The following EIF2B3 variants were observed in gnomAD, a reference collection of about 807,000 sequenced individuals.
EIF2B3 encodes eukaryotic translation initiation factor 2B subunit gamma.
Under a neutral mutation model 54.1 loss-of-function variants are expected in EIF2B3, and 20 were observed. The ratio of observed to expected loss-of-function variants is 0.37; its 90% CI spans 0.26 to 0.54. The LOEUF is 0.54. Among genes scored for constraint, EIF2B3 ranks in the 20% least tolerant of loss-of-function variants. The pLI is 0.86. For missense variants in EIF2B3, 448 were observed against 547.8 expected, an observed-to-expected ratio of 0.82 and a Z score of 1.82; for synonymous variants, 153 against 188.1, an observed-to-expected ratio of 0.81 and a Z score of 1.52.
intron 5 of EIF2B3, among the ~76,000 whole-genome samples, chr1:44,897,984 C>A (rs1392459960): frequency 1.3e-5 from 2 of 152,038 alleles, no homozygotes; most frequent in East Asian, 3.9e-4. Context: ...GATCCACCCA[C>A]CTCAGCCTCC....
chr1:44,924,662 A>G (rs1368527489), intron 5 of EIF2B3, among the ~76,000 whole-genome samples: 2 of 152,240 alleles, frequency 1.3e-5, no homozygotes, highest in Non-Finnish European at 2.9e-5. Context: ...CTGGAATTAC[A>G]GGCGTGAGCC....
intron 5 of EIF2B3, among the ~76,000 whole-genome samples, chr1:44,923,411 T>C (rs997658294): frequency 3.9e-5 from 6 of 152,256 alleles, no homozygotes; most frequent in African/African-American, 1.4e-4. Context: ...TCATTGTTTA[T>C]AGTTGCCAGT....
At chr1:44,885,121 C>T (rs1655534025) in intron 6 of EIF2B3, among the ~76,000 whole-genome samples, 1 of 152,228 alleles carries the variant, frequency 6.6e-6, no homozygotes, top group Non-Finnish European at 1.5e-5. Flanking sequence ...GTCAACCTTA[C>T]TTTCTCCTTT....
chr1:44,971,166 G>A (rs1471106361), intron 3 of EIF2B3, among the ~76,000 whole-genome samples: 5 of 151,996 alleles, frequency 3.3e-5, no homozygotes, highest in Admixed American at 6.6e-5. Flanking sequence ...GGCGGATCCC[G>A]AAGTAGGAGA....
intron 10 of EIF2B3, among the ~76,000 whole-genome samples, chr1:44,873,888 G>A (rs1655040199): frequency 6.6e-6 from 1 of 151,750 alleles, no homozygotes; most frequent in Non-Finnish European, 1.5e-5. Context: ...GACCTCAGGT[G>A]ATGCACCTGC....
At chr1:44,922,922 T>C (rs552226794) in intron 5 of EIF2B3, among the ~76,000 whole-genome samples, 43 of 141,376 alleles carry the variant, frequency 3.0e-4, no homozygotes, top group Admixed American at 1.2e-3. Flanking sequence ...CTCGGCTCGC[T>C]GTAACCTCTG....
At chr1:44,960,362 G>A (rs762767444) in intron 3 of EIF2B3, among the ~76,000 whole-genome samples, 5 of 151,970 alleles carry the variant, frequency 3.3e-5, no homozygotes, top group South Asian at 2.1e-4. Flanking sequence ...ATACTGGGCC[G>A]GGCGTGGTGG....
intron 8 of EIF2B3, among the ~76,000 whole-genome samples, chr1:44,879,284 A>C (rs1413150008): frequency 6.6e-6 from 1 of 152,074 alleles, no homozygotes; most frequent in African/African-American, 2.4e-5. Context: ...TTTGTTCCCC[A>C]TATCTCACAA....
chr1:44,865,895 TATTTA>T (rs1654764624), intron 10 of EIF2B3, among the ~76,000 whole-genome samples: 1 of 152,120 alleles, frequency 6.6e-6, no homozygotes, highest in South Asian at 2.1e-4. Context: ...TTAAAATTTT[TATTTA>T]TTTATTTTTT....
Position 44,881,531 on chromosome 1 carries a change from GGCTGGGCTAA to G in EIF2B3, c.784+71_784+80del. The G allele has an allele frequency of 6.3e-7, 1 of 1,575,192 alleles. No homozygotes were observed. Among genetic ancestry groups the G allele is most frequent in the Non-Finnish European group, 8.7e-7 (1 of 1,150,652 alleles). ...CTGCTGCCTTGAGTCAGGCATCTTG[GGCTGGGCTAA>G]GCTGCCCAACCACTCTTTCCAAAGG... On this transcript the variant is annotated intron_variant, in intron 7 of 11. Coordinates refer to ENST00000360403, the MANE Select transcript of EIF2B3 (RefSeq NM_020365.5). The surrounding 1 kb of genome is among the most constrained non-coding windows in gnomAD (Gnocchi z 4.0).
At chr1:44,946,627 C>CT (rs35199520) in intron 3 of EIF2B3, among the ~76,000 whole-genome samples, 45,784 of 131,786 alleles carry the variant, frequency 0.35, 8,804 homozygotes, top group Admixed American at 0.44. Flanking sequence ...TCTTCTTCTT[C>CT]TTTTTTTTTT....
chr1:44,893,057 T>A (rs1462469978), intron 6 of EIF2B3, among the ~76,000 whole-genome samples: 3 of 152,184 alleles, frequency 2.0e-5, no homozygotes, highest in African/African-American at 7.2e-5. Flanking sequence ...TTCATCTTTT[T>A]TAATTTTTAA....
In EIF2B3 at chr1:44,885,343, T is replaced by TA. The variant is rs1211265378; in HGVS notation, c.657-3605dup. ...AACATATAAAATATTTTCAAAGAAGTAAAAAACTAAAATAAGATGCAATTT... is the reference window on the plus strand; with the variant it reads ...AACATATAAAATATTTTCAAAGAAGTAAAAAAACTAAAATAAGATGCAATTT... On this transcript the variant is annotated intron_variant, in intron 6 of 11. Coordinates refer to ENST00000360403, the MANE Select transcript of EIF2B3 (RefSeq NM_020365.5). Among the ~76,000 whole-genome samples, 12 of 152,202 alleles carry TA rather than the reference T, an allele frequency of 7.9e-5. No individual in the cohort carries two copies. The South Asian group carries it at 2.1e-3, about 26-fold the overall frequency.
intron 4 of EIF2B3, among the ~76,000 whole-genome samples, chr1:44,935,204 C>T (rs1309462945): frequency 6.6e-6 from 1 of 151,966 alleles, no homozygotes; most frequent in Non-Finnish European, 1.5e-5. Flanking sequence ...AGACAATAGT[C>T]AATGATTTGT....
intron 6 of EIF2B3, among the ~76,000 whole-genome samples, chr1:44,894,595 A>T (rs1281677967): frequency 6.6e-6 from 1 of 152,176 alleles, no homozygotes; most frequent in Admixed American, 6.5e-5. Context: ...TATTGAAAAC[A>T]TGATGCTTTT....
At chr1:44,930,048 A>T (rs1015106464) in intron 4 of EIF2B3, among the ~76,000 whole-genome samples, 8 of 151,586 alleles carry the variant, frequency 5.3e-5, no homozygotes, top group Admixed American at 4.6e-4. Context: ...AACTTCTATT[A>T]AAAAAAAAGT....
At position 44,941,600 on chromosome 1, in the gene EIF2B3, C is replaced by A. The variant is rs371230685; in HGVS notation, c.360G>T (p.Leu120=). 2 of 1,614,118 alleles carry A rather than the reference C, an allele frequency of 1.2e-6. No individual in the cohort carries two copies. The highest frequency in any genetic ancestry group is 1.7e-6 in the Non-Finnish European group (2 of 1,180,022). Residue 120 remains leucine, a synonymous_variant, in exon 4 of 12, where the codon CTG becomes CTT. Coordinates refer to ENST00000360403, the MANE Select transcript of EIF2B3 (RefSeq NM_020365.5). ...TDVALHEVVD[L]FRAYDASLAM... Reference sequence around the variant, plus strand: ...CAAGTGATGCATCATAAGCTCTAAACAGGTCCACAACCTCATGTAAGGCAA... The same window carrying A: ...CAAGTGATGCATCATAAGCTCTAAAAAGGTCCACAACCTCATGTAAGGCAA...
chr1:44,969,308 GA>G (rs1488944220), intron 3 of EIF2B3, among the ~76,000 whole-genome samples: 2 of 151,972 alleles, frequency 1.3e-5, no homozygotes, highest in African/African-American at 4.8e-5. Flanking sequence ...TTACAAGGGG[GA>G]AAAAAGAAAT....
intron 10 of EIF2B3, among the ~76,000 whole-genome samples, chr1:44,872,308 T>A (rs764364666): frequency 2.0e-5 from 3 of 152,074 alleles, no homozygotes; most frequent in Admixed American, 1.3e-4. Flanking sequence ...GCCGGGACTA[T>A]GGATATGAGC....
Sources: gnomAD v4.1 joint callset for allele counts (sites outside exome capture counted in the v4.1 genomes callset) on GRCh38, gnomAD v4.1.1 for gene constraint, Gnocchi (gnomAD v3.1) non-coding constraint, MANE v1.5 for transcripts, NCBI Gene and HGNC (gene_info 2026-07-23, HGNC 2026-07-21) for gene names.